Variants in LRRC4C observed in about 807,000 individuals in gnomAD.
LRRC4C encodes leucine rich repeat containing 4C, also known as leucine-rich repeat-containing protein 4C.
LRRC4C carries 5 observed loss-of-function variants against 33.6 expected under a neutral mutation model. The ratio of observed to expected loss-of-function variants is 0.15; its 90% CI spans 0.08 to 0.31. The LOEUF (loss-of-function observed/expected upper bound fraction) is 0.31, where lower values mean the gene tolerates loss of function less well. Among genes scored for constraint, LRRC4C ranks in the 10% least tolerant of loss-of-function variants. LRRC4C has a pLI of 1.00. For synonymous variants in LRRC4C, 329 were observed against 302.0 expected (o/e 1.09, Z -0.93); for missense variants, 560 against 796.7 (o/e 0.70, Z 3.58).
At chr11:41,327,509 T>C (rs1026629200) in intron 1 of LRRC4C, among the ~76,000 whole-genome samples, 1 of 152,216 alleles carries the variant, frequency 6.6e-6, no homozygotes, top group African/African-American at 2.4e-5. Flanking sequence ...GTAGGAAACA[T>C]AGATATTTAA....
At chr11:41,208,113 T>C (rs897677845) in intron 1 of LRRC4C, among the ~76,000 whole-genome samples, 5 of 152,102 alleles carry the variant, frequency 3.3e-5, no homozygotes, top group African/African-American at 1.2e-4. Context: ...ATATGAACAT[T>C]AAAGGTGCTT....
At chr11:41,434,274 G>A (rs529051149) in intron 1 of LRRC4C, among the ~76,000 whole-genome samples, 3 of 152,174 alleles carry the variant, frequency 2.0e-5, no homozygotes. Context: ...CTCATACTTG[G>A]TGGGGTCAAG....
intron 5 of LRRC4C, among the ~76,000 whole-genome samples, chr11:40,226,586 T>A (rs750337830): frequency 9.2e-5 from 14 of 152,314 alleles, no homozygotes; most frequent in Non-Finnish European, 1.9e-4. Context: ...GGCCAGTTCT[T>A]AGTCAGATTC....
chr11:40,736,553 G>T (rs140039376), intron 2 of LRRC4C, among the ~76,000 whole-genome samples: 2,148 of 152,134 alleles, frequency 0.014, 50 homozygotes, highest in African/African-American at 0.049. Context: ...TGGGTCAAAT[G>T]GCATTTCTGG....
At chr11:41,166,270 A>G (rs1451456743) in intron 1 of LRRC4C, among the ~76,000 whole-genome samples, 4 of 152,208 alleles carry the variant, frequency 2.6e-5, no homozygotes, top group South Asian at 4.1e-4. Context: ...TGATAGCACA[A>G]CCACACATAT....
At chr11:41,236,653 T>C in intron 1 of LRRC4C, among the ~76,000 whole-genome samples, 1 of 152,238 alleles carries the variant, frequency 6.6e-6, no homozygotes, top group South Asian at 2.1e-4. Flanking sequence ...GGTAATTTTT[T>C]GATGATATAA....
chr11:40,603,932 C>T (rs1250229084), intron 3 of LRRC4C, among the ~76,000 whole-genome samples: 2 of 152,158 alleles, frequency 1.3e-5, no homozygotes, highest in Non-Finnish European at 2.9e-5. Context: ...TAGGTCTATT[C>T]ACTGAAGTGC....
intron 1 of LRRC4C, among the ~76,000 whole-genome samples, chr11:41,231,059 A>G (rs1414925738): frequency 6.6e-6 from 1 of 152,136 alleles, no homozygotes; most frequent in Non-Finnish European, 1.5e-5. Flanking sequence ...CAAAACCACA[A>G]TGAGATACCA....
intron 2 of LRRC4C, among the ~76,000 whole-genome samples, chr11:40,674,801 T>G (rs2136293256): frequency 6.6e-6 from 1 of 152,258 alleles, no homozygotes; most frequent in East Asian, 1.9e-4. Context: ...TGCTAAAAGC[T>G]TTTCACCATC....
rs75071909 is a variant in LRRC4C, at chr11:40,648,130, C to A, written c.-270+12G>T. On this transcript the variant is annotated intron_variant, in intron 3 of 6. Transcript: ENST00000528697. Reference sequence around the variant, plus strand: ...AAGGATTCTAATGGAAAAAATTATACCTCTCACTTACCTGTAGCAAATTGT... The same window carrying A: ...AAGGATTCTAATGGAAAAAATTATAACTCTCACTTACCTGTAGCAAATTGT... 1 of 152,148 alleles carries A rather than the reference C, an allele frequency of 6.6e-6. No individual in the cohort carries two copies. Among genetic ancestry groups the A allele is most frequent in the African/African-American group, 2.4e-5 (1 of 41,412 alleles). The allele number at this position is 152,148 out of a possible 1,614,324, so 9.4% of individuals were successfully genotyped here. A position where few individuals can be genotyped will look rare whatever the true frequency, so the allele number is the denominator to read the frequency against.
At chr11:41,358,623 A>G (rs1952243411) in intron 1 of LRRC4C, among the ~76,000 whole-genome samples, 1 of 152,200 alleles carries the variant, frequency 6.6e-6, no homozygotes, top group African/African-American at 2.4e-5. Flanking sequence ...AAAAATAAGT[A>G]TATGACTAGA....
At chr11:40,200,777 A>AAG (rs1554971883) in intron 5 of LRRC4C, among the ~76,000 whole-genome samples, 1 of 149,368 alleles carries the variant, frequency 6.7e-6, no homozygotes, top group Non-Finnish European at 1.5e-5. Flanking sequence ...AAAAAAAAAA[A>AAG]AAAAAAAAAA....
At chr11:40,975,085 C>T (rs896331383) in intron 1 of LRRC4C, among the ~76,000 whole-genome samples, 1 of 152,202 alleles carries the variant, frequency 6.6e-6, no homozygotes, top group Non-Finnish European at 1.5e-5. Flanking sequence ...GCAAATTTAC[C>T]TAATATGTTC....
intron 1 of LRRC4C, among the ~76,000 whole-genome samples, chr11:41,063,618 G>C (rs1225849695): frequency 2.0e-5 from 3 of 152,174 alleles, no homozygotes; most frequent in South Asian, 2.1e-4. Flanking sequence ...GCCCTGAAGA[G>C]AGCATAACAT....
At chr11:40,657,375 A>G (rs1326956474) in intron 2 of LRRC4C, among the ~76,000 whole-genome samples, 1 of 152,202 alleles carries the variant, frequency 6.6e-6, no homozygotes, top group Non-Finnish European at 1.5e-5. Context: ...AGATGCTTCA[A>G]ACAGAGCCAT....
rs149649791 is a variant in LRRC4C at position 40,138,164 on chromosome 11, T to C, written c.-43+2637A>G. Among the ~76,000 whole-genome samples, 474 of 148,750 alleles carry C rather than the reference T, an allele frequency of 3.2e-3. 5 individuals are homozygous for C. Among genetic ancestry groups the C allele is most frequent in the African/African-American group, 0.012 (457 of 38,542 alleles). Reference sequence around the variant, plus strand: ...TAGCTACGTAAATTTGGATGTGACATTTTTTCTTTTTTTTTTTTTTAGAGA... The same window carrying C: ...TAGCTACGTAAATTTGGATGTGACACTTTTTCTTTTTTTTTTTTTTAGAGA... On this transcript the variant is annotated intron_variant, in intron 6 of 6. Coordinates refer to ENST00000528697, the MANE Select transcript of LRRC4C (RefSeq NM_001258419.2).
intron 1 of LRRC4C, among the ~76,000 whole-genome samples, chr11:41,419,173 T>C (rs1488042485): frequency 1.3e-5 from 2 of 151,892 alleles, no homozygotes; most frequent in Non-Finnish European, 2.9e-5. Context: ...CACTTGACTA[T>C]ATTTGTAACT....
chr11:40,806,897 A>G (rs1057388175), intron 2 of LRRC4C, among the ~76,000 whole-genome samples: 1 of 152,154 alleles, frequency 6.6e-6, no homozygotes, highest in African/African-American at 2.4e-5. Context: ...ATGTTCTTGC[A>G]TAATCTACAT....
chr11:40,575,637 C>T (rs1289889988), intron 3 of LRRC4C, among the ~76,000 whole-genome samples: 1 of 152,148 alleles, frequency 6.6e-6, no homozygotes, highest in Non-Finnish European at 1.5e-5. Context: ...ATTTAAGCCT[C>T]TTTAGTGGGG....
Sources: allele counts gnomAD v4.1 joint callset (sites outside exome capture counted in the v4.1 genomes callset), GRCh38; gene constraint gnomAD v4.1.1; transcripts MANE v1.5; gene names NCBI Gene and HGNC (gene_info 2026-07-23, HGNC 2026-07-21).